Variants in AKT1S1 observed in about 807,000 individuals in gnomAD.
AKT1S1 encodes the protein proline-rich AKT1 substrate 1.
Under a neutral mutation model 21.2 loss-of-function variants are expected in AKT1S1, and 17 were observed. The ratio of observed to expected loss-of-function variants is 0.80; its 90% confidence interval spans 0.55 to 1.20. AKT1S1 has a LOEUF of 1.20. Ranked by LOEUF, AKT1S1 falls within the 50% of genes most tolerant of loss-of-function variation. The probability of loss-of-function intolerance (pLI) is 0.00; values close to 1 mark genes in which losing one functional copy is unlikely to be tolerated. For synonymous variants in AKT1S1, 181 were observed against 165.6 expected (o/e 1.09, Z -0.72); for missense variants, 366 against 368.3 (o/e 0.99, Z 0.05).
At chr19:49,870,554 G>A (rs2122364439) in intron 4 of AKT1S1, among the ~76,000 whole-genome samples, 1 of 152,266 alleles carries the variant, frequency 6.6e-6, no homozygotes, top group South Asian at 2.1e-4. Context: ...TTATCATGTG[G>A]CCACTGCGCT....
Position 49,871,895 on chromosome 19 carries a change from G to A in AKT1S1, c.380-6C>T. The A allele has an allele frequency of 3.7e-6, 6 of 1,613,400 alleles. No individual in the cohort carries two copies. The highest frequency in any genetic ancestry group is 5.1e-6 in the Non-Finnish European group (6 of 1,179,760). On this transcript the variant is annotated splice_region_variant and splice_polypyrimidine_tract_variant and intron_variant, in intron 2 of 4. Transcript: ENST00000344175. ...CTCATCCATCACAAAGAGCCCTGTG[G>A]ATGACCTGAGTTAGAGGCCCAGGCC...
Position 49,870,052 on chromosome 19 carries a change from C to G in AKT1S1, c.636G>C (p.Ser212=), listed in dbSNP as rs975352361. ...SSDEENGPPS[S]PDLDRIAASM... The stretch of plus-strand genomic sequence containing the variant: ...TCGCCGCGATGCGGTCCAGGTCGGG[C>G]GAAGAGGGCTGCGGGGACGGCGACG... Residue 212 remains serine, a synonymous_variant, in exon 5 of 5, where the codon TCG becomes TCC. Transcript: ENST00000344175. 4 of 1,539,220 alleles carry G rather than the reference C, an allele frequency of 2.6e-6. No individual in the cohort carries two copies. Among genetic ancestry groups the G allele is most frequent in the Non-Finnish European group, 3.5e-6 (4 of 1,139,580 alleles).
In AKT1S1 at chr19:49,873,632, C is replaced by A; in HGVS notation, c.-7-330G>T. ...GTACTGGAAAGGCAGGGAGTCCTAG[C>A]AGAGAGTCCTAGCAGAGAGGCCTCT... On this transcript the variant is annotated intron_variant, in intron 1 of 4. Coordinates refer to ENST00000344175, the MANE Select transcript of AKT1S1 (RefSeq NM_001098633.4). The surrounding 1 kb of genome is among the most constrained non-coding windows in gnomAD (Gnocchi z 6.9). 3 of 328,168 alleles carry A rather than the reference C, an allele frequency of 9.1e-6. No individual in the cohort carries two copies. The South Asian group carries it at 1.8e-4, about 20-fold the overall frequency. The allele number at this position is 328,168 out of a possible 1,614,324, so 20.3% of individuals were successfully genotyped here. A position where few individuals can be genotyped will look rare whatever the true frequency, so the allele number is the denominator to read the frequency against.
In AKT1S1 at chr19:49,876,629, G is replaced by T. The variant is rs1323157012; in HGVS notation, c.-8+608C>A. 4 of 1,530,078 alleles carry T rather than the reference G, an allele frequency of 2.6e-6. No homozygotes were observed. The Admixed American group carries it at 8.4e-5, about 32-fold the overall frequency. 94.8% of individuals were successfully genotyped at this position (1,530,078 alleles called of 1,614,324 possible). On this transcript the variant is annotated intron_variant, in intron 1 of 4. Transcript: ENST00000344175. The stretch of plus-strand genomic sequence containing the variant: ...TGCCCGTAGCCAGCATGGCCGGCCC[G>T]GCGCCGTCACCGCCCTCAAAAGACA...
chr19:49,877,834 A>C (rs2074969288), upstream of AKT1S1: 1 of 1,449,956 alleles, frequency 6.9e-7, no homozygotes, highest in East Asian at 2.5e-5. Flanking sequence ...GGCTCTCGAG[A>C]ATCCGGCACG....
upstream of AKT1S1, chr19:49,878,147 T>C: frequency 6.3e-7 from 1 of 1,575,934 alleles, no homozygotes; most frequent in Non-Finnish European, 8.6e-7. Context: ...ACTCAGGTGG[T>C]GTTTGAGAAG....
intron 1 of AKT1S1, chr19:49,876,593 C>T (rs1040546926): frequency 5.9e-6 from 9 of 1,513,906 alleles, no homozygotes; most frequent in South Asian, 1.2e-5. Flanking sequence ...ACAACGCCGC[C>T]TCCACTCACG....
Position 49,873,151 on chromosome 19 carries a change from G to A in AKT1S1, c.145C>T (p.His49Tyr), listed in dbSNP as rs1379494961. 6.5e-7 allele frequency: 1 copy of A among 1,538,412 alleles called. No homozygotes were observed. Among genetic ancestry groups the A allele is most frequent in the South Asian group, 1.2e-5 (1 of 84,144 alleles). The change falls in exon 2 of 5, where the codon CAT (histidine) becomes TAT (tyrosine). Residue 49 changes from histidine to tyrosine, a missense_variant. His to Tyr is a moderately conservative substitution (Grantham distance 83). Transcript: ENST00000344175. This position sits in a 1 kb window ranked among gnomAD's most constrained non-coding sequence, Gnocchi z 6.9. ...PRPGPCAYAA[H>Y]GRGALAEAAR... ...GCCTCCGCCAGGGCTCCTCGACCATGGGCAGCATAGGCACAGGGGCCCGGG... is the reference window on the plus strand; with the variant it reads ...GCCTCCGCCAGGGCTCCTCGACCATAGGCAGCATAGGCACAGGGGCCCGGG...
Position 49,869,238 on chromosome 19 carries a change from G to C in AKT1S1, c.*679C>G, listed in dbSNP as rs1202649218. ...CTGGTACCATCCTGGATGCAGGGAC[G>C]GGCTTCGATTGGCAGGCTGTTGTGG... On this transcript the variant is annotated 3_prime_UTR_variant, in exon 5 of 5. Coordinates refer to ENST00000344175, the MANE Select transcript of AKT1S1 (RefSeq NM_001098633.4). 1 of 152,734 alleles carries C rather than the reference G, an allele frequency of 6.5e-6. No individual in the cohort carries two copies. The highest frequency in any genetic ancestry group is 1.5e-5 in the Non-Finnish European group (1 of 68,138). The allele number at this position is 152,734 out of a possible 1,614,324, so 9.5% of individuals were successfully genotyped here.
intron 1 of AKT1S1, chr19:49,876,214 G>A: frequency 9.6e-7 from 1 of 1,039,684 alleles, no homozygotes; most frequent in Non-Finnish European, 1.2e-6. Context: ...CCGGGGTCCA[G>A]GGAGGACCCA....
upstream of AKT1S1, chr19:49,878,006 C>G (rs553201778): frequency 5.0e-6 from 4 of 801,148 alleles, no homozygotes; most frequent in South Asian, 5.4e-5. Flanking sequence ...GGACCATTCT[C>G]CCCGCCTTGG....
intron 4 of AKT1S1, 134 bp from the exon 5 acceptor site, chr19:49,870,194 GC>G: frequency 3.7e-6 from 4 of 1,088,570 alleles, no homozygotes; most frequent in Non-Finnish European, 3.6e-6. Context: ...GCCCTGCGAT[GC>G]CCACTGCCAG....
At position 49,873,387 on chromosome 19, in the gene AKT1S1, G is replaced by T; in HGVS notation, c.-7-85C>A. 7.3e-7 allele frequency: 1 copy of T among 1,370,796 alleles called. No homozygotes were observed. The highest frequency in any genetic ancestry group is 1.6e-5 in the South Asian group (1 of 61,298). 84.9% of individuals were successfully genotyped at this position (1,370,796 alleles called of 1,614,324 possible). A position where few individuals can be genotyped will look rare whatever the true frequency, so the allele number is the denominator to read the frequency against. On this transcript the variant is annotated intron_variant, in intron 1 of 4. Coordinates refer to ENST00000344175, the MANE Select transcript of AKT1S1 (RefSeq NM_001098633.4). The surrounding 1 kb of genome is among the most constrained non-coding windows in gnomAD (Gnocchi z 6.9). ...ACTCAGAGTGCCCGCCCGTCCCCTG[G>T]ATGGCACTCACCACCCTCCACCCAC...
chr19:49,872,779 C>A, intron 2 of AKT1S1, 138 bp downstream of exon 2: 1 of 1,078,850 alleles, frequency 9.3e-7, no homozygotes, highest in South Asian at 1.6e-5. Context: ...AAGCCCCAGG[C>A]AAGCCTGTCT....
At chr19:49,876,809 T>C (rs893100860) in intron 1 of AKT1S1, 8 of 822,672 alleles carry the variant, frequency 9.7e-6, no homozygotes, top group African/African-American at 7.2e-5. Flanking sequence ...CTAAGAAAAA[T>C]GGCCCCGCCT....
chr19:49,869,987 T>C lies in AKT1S1; in HGVS notation c.701A>G (p.Gln234Arg). ...ALVLREAEDT[Q>R]VFGDLPRPRL... Reference sequence around the variant, plus strand: ...CGGCCGTGGCAGGTCCCCGAAGACCTGGGTGTCCTCGGCCTCTCGCAGCAC... The same window carrying C: ...CGGCCGTGGCAGGTCCCCGAAGACCCGGGTGTCCTCGGCCTCTCGCAGCAC... The change falls in exon 5 of 5, where the codon CAG (glutamine) becomes CGG (arginine). Residue 234 changes from glutamine (Q) to arginine (R), a missense_variant. Coordinates refer to ENST00000344175, the MANE Select transcript of AKT1S1 (RefSeq NM_001098633.4). 6.5e-7 allele frequency: 1 copy of C among 1,548,428 alleles called. No homozygotes were observed. The highest frequency in any genetic ancestry group is 8.7e-7 in the Non-Finnish European group (1 of 1,144,476).
chr19:49,877,549 C>G (rs2074964178), upstream of AKT1S1: 23 of 618,674 alleles, frequency 3.7e-5, 2 homozygotes, highest in South Asian at 4.6e-4. Flanking sequence ...CCGATCCACC[C>G]TCGAGGTTCC....
rs1040977098 is a variant in AKT1S1, at chr19:49,873,503, G to A, written c.-7-201C>T. The A allele has an allele frequency of 6.9e-5, 69 of 997,212 alleles. No individual in the cohort carries two copies. Among genetic ancestry groups the A allele is most frequent in the Non-Finnish European group, 8.5e-5 (63 of 739,322 alleles). The allele number at this position is 997,212 out of a possible 1,614,324, so 61.8% of individuals were successfully genotyped here. A position where few individuals can be genotyped will look rare whatever the true frequency, so the allele number is the denominator to read the frequency against. On this transcript the variant is annotated intron_variant, in intron 1 of 4. Transcript: ENST00000344175. This position sits in a 1 kb window ranked among gnomAD's most constrained non-coding sequence, Gnocchi z 6.9. ...CCTCGCAGGCCCAGACCCTGGCGACGTCCTCTGCCCCAACCCATTCCTCCT... is the reference window on the plus strand; with the variant it reads ...CCTCGCAGGCCCAGACCCTGGCGACATCCTCTGCCCCAACCCATTCCTCCT...
chr19:49,876,688 C>G (rs1296273808), intron 1 of AKT1S1: 53 of 1,461,792 alleles, frequency 3.6e-5, no homozygotes, highest in Non-Finnish European at 4.5e-5. Flanking sequence ...GCGCAGTTGC[C>G]CCGCCTCCTC....
Sources: allele counts gnomAD v4.1 joint callset (sites outside exome capture counted in the v4.1 genomes callset), GRCh38; gene constraint gnomAD v4.1.1; non-coding constraint Gnocchi (gnomAD v3.1); transcripts MANE v1.5; gene names NCBI Gene and HGNC (gene_info 2026-07-23, HGNC 2026-07-21).